PACS2: variants seen among roughly 807,000 people sequenced by gnomAD.
PACS2 encodes phosphofurin acidic cluster sorting protein 2.
PACS2 carries 36 observed loss-of-function variants against 113.0 expected under a neutral mutation model. The observed-to-expected ratio is 0.32, with a 90% CI of 0.24 to 0.42. The LOEUF is 0.42. Among genes scored for constraint, PACS2 ranks in the 10% least tolerant of loss-of-function variants. The probability of loss-of-function intolerance (pLI) is 1.00; values close to 1 mark genes in which losing one functional copy is unlikely to be tolerated. For synonymous variants in PACS2, 589 were observed against 536.1 expected (o/e 1.10, Z -1.36); for missense variants, 1,015 against 1,239.5 (o/e 0.82, Z 2.72).
At chr14:105,388,096 G>C (rs2081239549) in intron 19 of PACS2, among the ~76,000 whole-genome samples, 1 of 152,250 alleles carries the variant, frequency 6.6e-6, no homozygotes, top group Non-Finnish European at 1.5e-5. Context: ...AAGAAGAGGG[G>C]AAAGTTTCAA....
rs1555415201 is a variant in PACS2 at position 105,392,603 on chromosome 14, C to T, written c.2256-16C>T. 1 of 1,586,582 alleles carries T rather than the reference C, an allele frequency of 6.3e-7. No homozygotes were observed. The highest frequency in any genetic ancestry group is 8.6e-7 in the Non-Finnish European group (1 of 1,166,640). On this transcript the variant is annotated splice_polypyrimidine_tract_variant and intron_variant, in intron 22 of 24. Coordinates refer to ENST00000447393, the MANE Select transcript of PACS2 (RefSeq NM_001100913.3). ...CCAAAGATGCAGGTGTGAATGCCTC[C>T]CTCTGCCTTTCCCAGCCAGGGTGTC...
Position 105,387,461 on chromosome 14 carries a change from T to TGTGCCCTCC in PACS2, c.2033+1751_2033+1759dup. Among the ~76,000 whole-genome samples the TGTGCCCTCC allele has an allele frequency of 2.0e-5, 3 of 152,322 alleles. 1 individual carries two copies. The South Asian group carries it at 6.2e-4, about 32-fold the overall frequency. On this transcript the variant is annotated intron_variant, in intron 19 of 24. Transcript: ENST00000447393. ...CATGCGGAGTGGCCCCCAAGGCATC[T>TGTGCCCTCC]GTGCCCTCCGTGCCCGCGGGGCCTC...
intron 9 of PACS2, 86 bp from the exon 10 acceptor site, chr14:105,379,653 C>T: frequency 1.8e-6 from 2 of 1,108,264 alleles, no homozygotes; most frequent in South Asian, 2.6e-5. Context: ...CAGTCTGTCC[C>T]TCCAGGTGTG....
At position 105,324,219 on chromosome 14, in the gene PACS2, G is replaced by T. The variant is rs1272134303; in HGVS notation, c.119+9182G>T. 6.6e-6 allele frequency among the ~76,000 whole-genome samples: 1 copy of T among 152,224 alleles called. No homozygotes were observed. On this transcript the variant is annotated intron_variant, in intron 1 of 24. Transcript: ENST00000447393. The surrounding 1 kb of genome is among the most constrained non-coding windows in gnomAD (Gnocchi z 4.7). ...TGCGGTGCTGTGGCGGGGTCGGGGG[G>T]CTGCTGCAGAGAGCGGGTCTGCGGT...
rs2080791517 is a variant in PACS2, at chr14:105,376,691, C to T, written c.802-77C>T. The T allele has an allele frequency of 4.8e-6, 7 of 1,447,614 alleles. No homozygotes were observed. The highest frequency in any genetic ancestry group is 1.8e-4 in the Middle Eastern group (1 of 5,662). 89.7% of individuals were successfully genotyped at this position (1,447,614 alleles called of 1,614,324 possible). A position where few individuals can be genotyped will look rare whatever the true frequency, so the allele number is the denominator to read the frequency against. ...GCCCGCCTCCTATTGCTCCTGCAGA[C>T]TCTGGGGTCTCGGGCGCCCCCAGTG... is the stretch of plus-strand genomic sequence containing the variant. On this transcript the variant is annotated intron_variant, in intron 8 of 24. Transcript: ENST00000447393. The surrounding 1 kb of genome is among the most constrained non-coding windows in gnomAD (Gnocchi z 4.7).
At chr14:105,306,137 G>T (rs1201537076) in intron 1 of PACS2, among the ~76,000 whole-genome samples, 1 of 152,186 alleles carries the variant, frequency 6.6e-6, no homozygotes, top group Non-Finnish European at 1.5e-5. Flanking sequence ...GAACGTGCTC[G>T]TAACACTTAG....
At position 105,320,771 on chromosome 14, in the gene PACS2, A is replaced by G. The variant is rs114135180; in HGVS notation, c.119+5734A>G. On this transcript the variant is annotated intron_variant, in intron 1 of 24. Transcript: ENST00000447393. ...TAAGATTTCCTTGTGAAATGAAATG[A>G]GTACTGCCTCTTTTGCTGTATCGTG... 2.4e-3 allele frequency among the ~76,000 whole-genome samples: 359 copies of G among 152,356 alleles called. 2 individuals are homozygous for G. The highest frequency in any genetic ancestry group is 8.3e-3 in the African/African-American group (343 of 41,568).
rs1282521513 is a variant in PACS2 at position 105,393,294 on chromosome 14, G to A, written c.2555G>A (p.Arg852Gln). 4 of 1,612,378 alleles carry A rather than the reference G, an allele frequency of 2.5e-6. No individual in the cohort carries two copies. The highest frequency in any genetic ancestry group is 3.4e-6 in the Non-Finnish European group (4 of 1,179,932). The part of the protein sequence containing the change: ...SKSQCIEGIS[R>Q]LICTARQQQN... ...AGCCAGTGCATTGAGGGCATCAGCCGGCTCATCTGCACTGCCAGGCAGCAG... is the reference window on the plus strand; with the variant it reads ...AGCCAGTGCATTGAGGGCATCAGCCAGCTCATCTGCACTGCCAGGCAGCAG... The change falls in exon 24 of 25, where the codon CGG (arginine) becomes CAG (glutamine). Residue 852 changes from arginine to glutamine, a missense_variant. Arg to Gln is a conservative substitution (Grantham distance 43, BLOSUM62 1). This residue lies in a region of PACS2 where 859 missense variants were observed against 1,056.8 expected (regional missense o/e 0.81). Transcript: ENST00000447393.
intron 1 of PACS2, among the ~76,000 whole-genome samples, chr14:105,338,404 G>T (rs947594018): frequency 1.3e-5 from 2 of 152,190 alleles, no homozygotes; most frequent in Non-Finnish European, 2.9e-5. Context: ...CTGCCGAGGG[G>T]GGCGGTGGTG....
At position 105,366,427 on chromosome 14, in the gene PACS2, C is replaced by T. The variant is rs1555407930; in HGVS notation, c.424-786C>T. Among the ~76,000 whole-genome samples the T allele has an allele frequency of 6.6e-6, 1 of 152,252 alleles. No individual in the cohort carries two copies. The highest frequency in any genetic ancestry group is 1.5e-5 in the Non-Finnish European group (1 of 68,044). ...AACCGATAGCCCCAAAAGGCGGCTT[C>T]TAGAGCACAGCTGGCCCCAAGGCTG... On this transcript the variant is annotated intron_variant, in intron 4 of 24. Transcript: ENST00000447393. This position sits in a 1 kb window ranked among gnomAD's most constrained non-coding sequence, Gnocchi z 4.3.
chr14:105,384,757 C>T (rs991217891), intron 17 of PACS2, 122 bp from the exon 18 acceptor site: 14 of 687,390 alleles, frequency 2.0e-5, no homozygotes, highest in African/African-American at 1.1e-4. Context: ...CTGCAACCAG[C>T]GAGCCCTGCC....
intron 17 of PACS2, 39 bp downstream of exon 17, chr14:105,384,502 G>A (rs782653558): frequency 7.1e-7 from 1 of 1,409,360 alleles, no homozygotes; most frequent in African/African-American, 1.4e-5. Context: ...GCCACGGCGG[G>A]AGGAAGGGGC....
upstream of PACS2, among the ~76,000 whole-genome samples, chr14:105,312,100 G>C (rs111891784): frequency 1.3e-5 from 2 of 152,340 alleles, no homozygotes; most frequent in East Asian, 3.9e-4. Context: ...CTGTGTGTCT[G>C]TGTCATCTTA....
intron 1 of PACS2, chr14:105,301,018 A>C (rs1007841531): frequency 6.7e-6 from 1 of 149,766 alleles, no homozygotes; most frequent in African/African-American, 2.5e-5. Flanking sequence ...GGGCGGGGCC[A>C]CGGCGGTGAG....
intron 1 of PACS2, among the ~76,000 whole-genome samples, chr14:105,302,156 AAAG>A (rs1159554652): frequency 1.3e-5 from 2 of 151,454 alleles, no homozygotes; most frequent in African/African-American, 4.8e-5. Flanking sequence ...CAAAAAAAAA[AAAG>A]AGAAAAAAGG....
In PACS2 at chr14:105,385,895, C is replaced by G. The variant is rs587598443; in HGVS notation, c.2033+178C>G. Among the ~76,000 whole-genome samples, 4 of 152,292 alleles carry G rather than the reference C, an allele frequency of 2.6e-5. No homozygotes were observed. In the East Asian group the frequency reaches 7.8e-4, roughly 30 times the overall value. On this transcript the variant is annotated intron_variant, in intron 19 of 24. Transcript: ENST00000447393. ...ACGGGAGAGGGGAAGTGGCCCCAAC[C>G]CGAGTCACTTTTTGCTGACGTGGAC...
rs1555401316 is a variant in PACS2, at chr14:105,340,189, A to G, written c.120-8304A>G. 6.6e-6 allele frequency among the ~76,000 whole-genome samples: 1 copy of G among 152,264 alleles called. No homozygotes were observed. Among genetic ancestry groups the G allele is most frequent in the African/African-American group, 2.4e-5 (1 of 41,468 alleles). ...TTGACTAATGGAATGTACCAGCAGA[A>G]ACACATGCGATCGTAATGTGCTTCA... is the stretch of plus-strand genomic sequence containing the variant. On this transcript the variant is annotated intron_variant, in intron 1 of 24. Transcript: ENST00000447393. The surrounding 1 kb of genome is among the most constrained non-coding windows in gnomAD (Gnocchi z 4.2).
At chr14:105,369,785 AGCGGCGGGTCTGCAGCTCTG>A in intron 7 of PACS2, 36 bp from the exon 8 acceptor site, 1 of 1,438,722 alleles carries the variant, frequency 7.0e-7, no homozygotes, top group South Asian at 1.3e-5. Flanking sequence ...AAGGGGCTCC[AGCGGCGGGTCTGCAGCTCTG>A]GCGGCGGCTC....
At chr14:105,390,037 C>T (rs368787681) in intron 20 of PACS2, 34 bp downstream of exon 20, 49 of 1,589,518 alleles carry the variant, frequency 3.1e-5, no homozygotes, top group Admixed American at 6.7e-5. Context: ...GATGGGAAAC[C>T]GCACACCTGC....
Sources: gnomAD v4.1 joint callset for allele counts (sites outside exome capture counted in the v4.1 genomes callset) on GRCh38, gnomAD v4.1.1 for gene constraint, gnomAD v4.1.1 regional missense constraint, Gnocchi (gnomAD v3.1) non-coding constraint, MANE v1.5 for transcripts, NCBI Gene and HGNC (gene_info 2026-07-23, HGNC 2026-07-21) for gene names.